CACNA1E: variants seen among roughly 807,000 people sequenced by gnomAD.
CACNA1E encodes calcium voltage-gated channel subunit alpha1 E, also known as voltage-dependent R-type calcium channel subunit alpha-1E.
Under a neutral mutation model 259.2 loss-of-function variants are expected in CACNA1E, and 40 were observed. That is an observed-to-expected ratio of 0.15 (90% CI 0.12 to 0.20). The LOEUF (loss-of-function observed/expected upper bound fraction) is 0.20. CACNA1E is among the 10% of genes least tolerant of loss of function. The probability of loss-of-function intolerance (pLI) is 1.00; values close to 1 mark genes in which losing one functional copy is unlikely to be tolerated. For missense variants in CACNA1E, 1,874 were observed against 3,040.1 expected, an observed-to-expected ratio of 0.62 and a Z score of 9.02; for synonymous variants, 1,104 against 1,138.5, an observed-to-expected ratio of 0.97 and a Z score of 0.61.
At chr1:181,362,926 G>A (rs142210954) in intron 1 of CACNA1E, among the ~76,000 whole-genome samples, 6 of 152,316 alleles carry the variant, frequency 3.9e-5, no homozygotes, top group South Asian at 4.1e-4. Flanking sequence ...TTAGGATCTC[G>A]TTATAAGTTT....
At chr1:181,537,831 C>T (rs1668291343) in intron 3 of CACNA1E, among the ~76,000 whole-genome samples, 2 of 152,170 alleles carry the variant, frequency 1.3e-5, no homozygotes, top group African/African-American at 4.8e-5. Context: ...GATGAAGAAA[C>T]AGAGGTACAG....
At chr1:181,753,754 G>A (rs924900233) in intron 27 of CACNA1E, among the ~76,000 whole-genome samples, 3 of 152,084 alleles carry the variant, frequency 2.0e-5, no homozygotes, top group African/African-American at 7.2e-5. Flanking sequence ...CCTCCTTCAG[G>A]CCTCATAGCA....
chr1:181,721,993 T>C, intron 16 of CACNA1E, 118 bp downstream of exon 16: 1 of 692,914 alleles, frequency 1.4e-6, no homozygotes, highest in Non-Finnish European at 2.7e-6. Flanking sequence ...GTGGACATTG[T>C]TTGGTGTACT....
intron 7 of CACNA1E, among the ~76,000 whole-genome samples, chr1:181,653,216 G>A (rs967031848): frequency 2.0e-5 from 3 of 152,056 alleles, no homozygotes; most frequent in Non-Finnish European, 4.4e-5. Flanking sequence ...CATTGATATA[G>A]TTTGGCTGTG....
At chr1:181,506,186 C>T (rs573478272) in intron 1 of CACNA1E, among the ~76,000 whole-genome samples, 37 of 152,306 alleles carry the variant, frequency 2.4e-4, no homozygotes, top group African/African-American at 8.2e-4. Context: ...CGTGGCGACT[C>T]GGAGCTCCCT....
chr1:181,788,738 A>G (rs1232983828), intron 43 of CACNA1E, among the ~76,000 whole-genome samples: 3 of 152,256 alleles, frequency 2.0e-5, no homozygotes, highest in African/African-American at 7.2e-5. Context: ...CGGCTTGACA[A>G]GGTTTTCAAA....
In CACNA1E at chr1:181,672,944, A is replaced by G. The variant is rs375107377; in HGVS notation, c.1055+21503A>G. Among the ~76,000 whole-genome samples the G allele has an allele frequency of 1.1e-4, 17 of 152,226 alleles. No individual in the cohort carries two copies. In the East Asian group the frequency reaches 1.7e-3, roughly 16 times the overall value. On this transcript the variant is annotated intron_variant, in intron 7 of 47. Transcript: ENST00000367573. ...GTTATTTGTTGGACTTAACTAGCTC[A>G]CGTATGGGGTTTTGGCCTGGGTTCC...
intron 6 of CACNA1E, among the ~76,000 whole-genome samples, chr1:181,626,925 G>A (rs550965212): frequency 5.9e-5 from 9 of 152,306 alleles, no homozygotes; most frequent in Non-Finnish European, 1.0e-4. Flanking sequence ...TGCCCAGGGC[G>A]TAGGACTTCC....
At chr1:181,745,453 A>T (rs558614113) in intron 25 of CACNA1E, 1 of 397,290 alleles carries the variant, frequency 2.5e-6, no homozygotes, top group South Asian at 2.1e-5. Flanking sequence ...TGCCCCATCC[A>T]CACGGTAACC....
chr1:181,731,257 T>C, intron 19 of CACNA1E, 26 bp downstream of exon 19: 1 of 1,597,600 alleles, frequency 6.3e-7, no homozygotes, highest in Non-Finnish European at 8.6e-7. Flanking sequence ...TTTGCGTGTT[T>C]GTGAGTGGTT....
rs201514362 is a variant in CACNA1E, at chr1:181,537,095, CT to C, written c.512+25606del. ...GGGGGCCGTGGTTTCTTTTTCTTTT[CT>C]TTTTTTTTTTTTTTTTTTTTGAGAT... is the stretch of plus-strand genomic sequence containing the variant. On this transcript the variant is annotated intron_variant, in intron 3 of 47. Transcript: ENST00000367573. Among the ~76,000 whole-genome samples the C allele has an allele frequency of 5.4e-3, 613 of 112,556 alleles. 1 individual carries two copies. The highest frequency in any genetic ancestry group is 6.2e-3 in the Non-Finnish European group (357 of 57,188). 73.8% of individuals were successfully genotyped at this position (112,556 alleles called of 152,430 possible). A position where few individuals can be genotyped will look rare whatever the true frequency, so the allele number is the denominator to read the frequency against.
chr1:181,710,100 A>G (rs899015475), intron 7 of CACNA1E, among the ~76,000 whole-genome samples: 8 of 151,986 alleles, frequency 5.3e-5, no homozygotes, highest in African/African-American at 1.7e-4. Context: ...TGTCACACGG[A>G]GTGGCATTGG....
At chr1:181,342,601 A>G (rs1185776263) in intron 1 of CACNA1E, among the ~76,000 whole-genome samples, 3 of 152,190 alleles carry the variant, frequency 2.0e-5, no homozygotes, top group Admixed American at 6.5e-5. Context: ...GTCTGATTCC[A>G]TTTGTGGAGA....
chr1:181,747,340 G>A (rs190249351), intron 25 of CACNA1E, among the ~76,000 whole-genome samples: 14 of 152,354 alleles, frequency 9.2e-5, no homozygotes, highest in African/African-American at 3.4e-4. Context: ...GAGGTGAAGA[G>A]CGGGATTACA....
intron 38 of CACNA1E, among the ~76,000 whole-genome samples, chr1:181,780,519 G>A (rs1660333447): frequency 6.6e-6 from 1 of 152,206 alleles, no homozygotes; most frequent in South Asian, 2.1e-4. Flanking sequence ...GGCTCAGGAA[G>A]GATGCCAGCC....
In CACNA1E at chr1:181,733,961, G is replaced by A. The variant is rs547387187; in HGVS notation, c.3262+211G>A. 3.3e-5 allele frequency among the ~76,000 whole-genome samples: 5 copies of A among 152,312 alleles called. No homozygotes were observed. The East Asian group carries it at 9.6e-4, about 29-fold the overall frequency. The stretch of plus-strand genomic sequence containing the variant: ...AATTTTTCCCATAAAATTTCCCCAG[G>A]CTTGTTCCTGTGACCACCCTCAAGT... On this transcript the variant is annotated intron_variant, in intron 21 of 47. Coordinates refer to ENST00000367573, the MANE Select transcript of CACNA1E (RefSeq NM_001205293.3).
chr1:181,621,102 T>C (rs989002272), intron 6 of CACNA1E, among the ~76,000 whole-genome samples: 1 of 152,182 alleles, frequency 6.6e-6, no homozygotes, highest in East Asian at 1.9e-4. Context: ...TCTGGCATCA[T>C]TGAGATCACA....
intron 6 of CACNA1E, among the ~76,000 whole-genome samples, chr1:181,623,720 C>CA: frequency 6.6e-6 from 1 of 152,088 alleles, no homozygotes; most frequent in Non-Finnish European, 1.5e-5. Context: ...AACATCGTGT[C>CA]AAAAAAACAT....
intron 3 of CACNA1E, among the ~76,000 whole-genome samples, chr1:181,547,728 T>C (rs895394391): frequency 6.6e-6 from 1 of 152,256 alleles, no homozygotes; most frequent in South Asian, 2.1e-4. Flanking sequence ...GGAGGCCTTC[T>C]TATTCATTGC....
Sources: gnomAD v4.1 joint callset for allele counts (sites outside exome capture counted in the v4.1 genomes callset) on GRCh38, gnomAD v4.1.1 for gene constraint, MANE v1.5 for transcripts, NCBI Gene and HGNC (gene_info 2026-07-23, HGNC 2026-07-21) for gene names.